ADAMTS8: variants seen among roughly 807,000 people sequenced by gnomAD.
The protein encoded by ADAMTS8 is A disintegrin and metalloproteinase with thrombospondin motifs 8.
Under a neutral mutation model 64.4 loss-of-function variants are expected in ADAMTS8, and 50 were observed. That is an observed-to-expected ratio of 0.78 (90% CI 0.62 to 0.98). The LOEUF is 0.98. Ranked by LOEUF, ADAMTS8 falls within the 50% of genes least tolerant of loss-of-function variation. The pLI is 0.00. For missense variants in ADAMTS8, 1,192 were observed against 1,208.2 expected (o/e 0.99, Z 0.20); for synonymous variants, 556 against 533.6 (o/e 1.04, Z -0.58).
intron 1 of ADAMTS8, among the ~76,000 whole-genome samples, chr11:130,426,054 C>G (rs1043984252): frequency 5.3e-5 from 8 of 152,232 alleles, no homozygotes; most frequent in African/African-American, 1.9e-4. Flanking sequence ...CCCACCGCTC[C>G]GTGCTCTCAG....
Position 130,411,504 on chromosome 11 carries a change from C to T in ADAMTS8, c.1663G>A (p.Asp555Asn), listed in dbSNP as rs781232874. 1.2e-6 allele frequency: 2 copies of T among 1,614,168 alleles called. No individual in the cohort carries two copies. The highest frequency in any genetic ancestry group is 1.7e-6 in the Non-Finnish European group (2 of 1,180,032). Residue 555 changes from aspartate (D) to asparagine (N), a missense_variant, in exon 6 of 9, where the codon GAC (aspartate) becomes AAC (asparagine). Coordinates refer to ENST00000257359, the MANE Select transcript of ADAMTS8 (RefSeq NM_007037.6). This position sits in a 1 kb window ranked among gnomAD's most constrained non-coding sequence, Gnocchi z 4.2. ...CTTCCTCCATTCTGAGGCTCGGGGT[C>T]CTTGCACTCACGGTGTGAAAACTGT... The part of the protein sequence containing the change: ...GVQFSHRECK[D>N]PEPQNGGRYC...
Position 130,408,799 on chromosome 11 carries a change from C to T in ADAMTS8, c.1892G>A (p.Gly631Glu). 2.5e-6 allele frequency: 4 copies of T among 1,614,146 alleles called. No individual in the cohort carries two copies. Among genetic ancestry groups the T allele is most frequent in the East Asian group, 2.2e-5 (1 of 44,864 alleles). ...DRCKLFCRAR[G>E]RSEFKVFEAK... ...CTCGAACACTTTGAACTCGCTCCTC[C>T]CCCGGGCTCGGCAGAACAACTTGCA... Residue 631 changes from glycine (G) to glutamate (E), a missense_variant, in exon 7 of 9, where the codon GGG becomes GAG. Physicochemically the swap from Gly to Glu is moderately conservative, Grantham distance 98. Coordinates refer to ENST00000257359, the MANE Select transcript of ADAMTS8 (RefSeq NM_007037.6).
chr11:130,414,373 C>A (rs565324798), intron 5 of ADAMTS8, among the ~76,000 whole-genome samples, 158 bp downstream of exon 5: 2 of 152,194 alleles, frequency 1.3e-5, no homozygotes, highest in Non-Finnish European at 2.9e-5. Flanking sequence ...CCTCAGCTTC[C>A]CAAAGTGCTG....
Position 130,405,683 on chromosome 11 carries a change from CG to C in ADAMTS8, c.2544del (p.Cys848TrpfsTer10). 6.2e-7 allele frequency: 1 copy of C among 1,614,096 alleles called. No individual in the cohort carries two copies. On this transcript the variant is annotated frameshift_variant, in exon 9 of 9. Coordinates refer to ENST00000257359, the MANE Select transcript of ADAMTS8 (RefSeq NM_007037.6). LOFTEE classifies it low-confidence loss of function (END_TRUNC). ...LGDWSECSST[C>X]GAGWQRRTVE... ...ACAGTTCGCCTCTGCCAGCCGGCCC[CG>C]CAGGTGCTAGAGCACTCAGACCAGT...
At chr11:130,425,959 T>C (rs1220371276) in intron 1 of ADAMTS8, among the ~76,000 whole-genome samples, 2 of 152,122 alleles carry the variant, frequency 1.3e-5, no homozygotes, top group African/African-American at 2.4e-5. Flanking sequence ...CCTAAAGAGA[T>C]GGGAGAAGCC....
At chr11:130,408,695 C>T in intron 7 of ADAMTS8, 56 bp from the exon 8 acceptor site, 1 of 1,611,204 alleles carries the variant, frequency 6.2e-7, no homozygotes, top group Non-Finnish European at 8.5e-7. Context: ...AAGCAGCCTG[C>T]CGGGGGGCGG....
intron 8 of ADAMTS8, among the ~76,000 whole-genome samples, chr11:130,407,907 C>T (rs1245232382): frequency 1.3e-5 from 2 of 152,114 alleles, no homozygotes; most frequent in Admixed American, 6.5e-5. Context: ...GAAATGAAAG[C>T]GCTTTGGAAA....
intron 1 of ADAMTS8, among the ~76,000 whole-genome samples, chr11:130,424,656 C>A (rs77654243): frequency 5.3e-5 from 8 of 152,188 alleles, no homozygotes; most frequent in Non-Finnish European, 1.0e-4. Flanking sequence ...TGTGGGCAGC[C>A]AAGGTCTTGA....
intron 1 of ADAMTS8, among the ~76,000 whole-genome samples, chr11:130,420,241 C>A (rs1048280664): frequency 2.0e-5 from 3 of 152,190 alleles, no homozygotes; most frequent in African/African-American, 7.2e-5. Flanking sequence ...GGGATCTCAC[C>A]TGCTCTCCCT....
Position 130,427,729 on chromosome 11 carries a change from G to C in ADAMTS8, c.558C>G (p.Ser186Arg). Residue 186 changes from serine (S) to arginine (R), a missense_variant, in exon 1 of 9, where the codon AGC becomes AGG. Physicochemically the swap from Ser to Arg is moderately radical, Grantham distance 110. This residue lies in a region of ADAMTS8 where 741 missense variants were observed against 710.6 expected (regional missense o/e 1.04). Coordinates refer to ENST00000257359, the MANE Select transcript of ADAMTS8 (RefSeq NM_007037.6). ...CCTCCTCTTCTTGGCTCTCCTCCTCGCTGTCCTCCTGGTGGTCTCCTCTCT... is the reference window on the plus strand; with the variant it reads ...CCTCCTCTTCTTGGCTCTCCTCCTCCCTGTCCTCCTGGTGGTCTCCTCTCT... ...RQERGDHQED[S>R]EEESQEEEAE... The C allele has an allele frequency of 1.3e-6, 2 of 1,595,394 alleles. No homozygotes were observed. Among genetic ancestry groups the C allele is most frequent in the African/African-American group, 1.3e-5 (1 of 74,442 alleles).
intron 6 of ADAMTS8, among the ~76,000 whole-genome samples, chr11:130,409,686 A>C (rs1247178888): frequency 6.6e-6 from 1 of 152,216 alleles, no homozygotes; most frequent in Non-Finnish European, 1.5e-5. Context: ...TGCTGGCTTC[A>C]TGGGGACCTG....
intron 1 of ADAMTS8, among the ~76,000 whole-genome samples, chr11:130,420,892 G>A (rs1402895830): frequency 6.6e-6 from 1 of 152,116 alleles, no homozygotes; most frequent in Admixed American, 6.5e-5. Flanking sequence ...ATGGTGGCTT[G>A]CCGAGATGAA....
intron 5 of ADAMTS8, among the ~76,000 whole-genome samples, chr11:130,413,458 T>C (rs1382319411): frequency 2.0e-5 from 3 of 152,172 alleles, no homozygotes; most frequent in African/African-American, 4.8e-5. Context: ...TGAGGAGTGC[T>C]TGGGCCACCC....
At chr11:130,414,916 TGAAG>T (rs1331549419) in intron 4 of ADAMTS8, 84 bp from the exon 5 acceptor site, 1 of 1,388,394 alleles carries the variant, frequency 7.2e-7, no homozygotes, top group East Asian at 2.5e-5. Context: ...TGGATGGCAC[TGAAG>T]GTCTAGGTGT....
chr11:130,406,141 C>T lies in ADAMTS8; in HGVS notation c.2100-13G>A. 1 of 1,598,596 alleles carries T rather than the reference C, an allele frequency of 6.3e-7. No homozygotes were observed. Among genetic ancestry groups the T allele is most frequent in the South Asian group, 1.1e-5 (1 of 90,712 alleles). Reference sequence around the variant, plus strand: ...ATTGTAGCCATAACTGTGATAGAAACAGAAGGACACCCTTAGACCAGTGGC... The same window carrying T: ...ATTGTAGCCATAACTGTGATAGAAATAGAAGGACACCCTTAGACCAGTGGC... On this transcript the variant is annotated splice_polypyrimidine_tract_variant and intron_variant, in intron 8 of 8. Transcript: ENST00000257359.
intron 5 of ADAMTS8, 41 bp downstream of exon 5, chr11:130,414,490 C>A: frequency 6.5e-7 from 1 of 1,537,364 alleles, no homozygotes; most frequent in South Asian, 1.3e-5. Context: ...CCTTTTGTTT[C>A]TCCTTTCCCC....
intron 2 of ADAMTS8, among the ~76,000 whole-genome samples, chr11:130,418,007 C>CAAAA (rs5795694): frequency 0.049 from 4,632 of 93,730 alleles, 116 homozygotes; most frequent in East Asian, 0.17. Flanking sequence ...CTACAAAAAG[C>CAAAA]AAAAAAAAAA....
intron 1 of ADAMTS8, among the ~76,000 whole-genome samples, chr11:130,425,813 G>A (rs1470650148): frequency 6.6e-6 from 1 of 152,050 alleles, no homozygotes; most frequent in Non-Finnish European, 1.5e-5. Context: ...GTGTTAGCCA[G>A]GATGGTCTTG....
chr11:130,427,943 G>A lies in ADAMTS8; in HGVS notation c.344C>T (p.Ala115Val). The A allele has an allele frequency of 6.5e-7, 1 of 1,531,842 alleles. No homozygotes were observed. The highest frequency in any genetic ancestry group is 8.7e-7 in the Non-Finnish European group (1 of 1,145,662). 94.9% of individuals were successfully genotyped at this position (1,531,842 alleles called of 1,614,324 possible). ...GCTCAGCCCGCGGCACAGGCTGACCGCCGCCAGCGACTCGGGCTCCCCATT... is the reference window on the plus strand; with the variant it reads ...GCTCAGCCCGCGGCACAGGCTGACCACCGCCAGCGACTCGGGCTCCCCATT... ...TVNGEPESLAAVSLCRGLSGS... is the reference protein window; with the variant it reads ...TVNGEPESLAVVSLCRGLSGS... Residue 115 changes from alanine (A) to valine (V), a missense_variant, in exon 1 of 9, where the codon GCG becomes GTG. Physicochemically the swap from Ala to Val is moderately conservative, Grantham distance 64. Coordinates refer to ENST00000257359, the MANE Select transcript of ADAMTS8 (RefSeq NM_007037.6).
Sources: allele counts gnomAD v4.1 joint callset (sites outside exome capture counted in the v4.1 genomes callset), GRCh38; gene constraint gnomAD v4.1.1; regional missense constraint gnomAD v4.1.1; non-coding constraint Gnocchi (gnomAD v3.1); transcripts MANE v1.5; gene names NCBI Gene and HGNC (gene_info 2026-07-23, HGNC 2026-07-21).